Variants in HSD17B3 observed in about 807,000 individuals in gnomAD.
HSD17B3 encodes hydroxysteroid 17-beta dehydrogenase 3, also known as 17-beta-hydroxysteroid dehydrogenase type 3.
Under a neutral mutation model 41.1 loss-of-function variants are expected in HSD17B3, and 29 were observed. That is an observed-to-expected ratio of 0.71 (90% CI 0.53 to 0.96). HSD17B3 has a LOEUF of 0.96. Among genes scored for constraint, HSD17B3 ranks in the 40% least tolerant of loss-of-function variants. The pLI, the probability that HSD17B3 is intolerant of heterozygous loss-of-function variation, is 0.00. For missense variants in HSD17B3, 323 were observed against 374.6 expected, an observed-to-expected ratio of 0.86 and a Z score of 1.14; for synonymous variants, 126 against 145.6, an observed-to-expected ratio of 0.87 and a Z score of 0.97.
At chr9:96,265,870 C>A (rs1172866351) in intron 2 of HSD17B3, among the ~76,000 whole-genome samples, 2 of 152,162 alleles carry the variant, frequency 1.3e-5, no homozygotes, top group Non-Finnish European at 2.9e-5. Flanking sequence ...GGGTGAAACA[C>A]ACAAACACTT....
intron 2 of HSD17B3, among the ~76,000 whole-genome samples, chr9:96,291,322 C>CAG (rs1827147606): frequency 6.6e-6 from 1 of 152,004 alleles, no homozygotes. Flanking sequence ...GTGGTATCAG[C>CAG]AGAGGCCCAG....
intron 2 of HSD17B3, among the ~76,000 whole-genome samples, chr9:96,274,606 G>GA (rs1826379787): frequency 6.6e-6 from 1 of 151,990 alleles, no homozygotes; most frequent in South Asian, 2.1e-4. Context: ...TGAATAAAAT[G>GA]AAAAATGCAA....
chr9:96,283,020 T>TA, intron 2 of HSD17B3, among the ~76,000 whole-genome samples: 1 of 144,154 alleles, frequency 6.9e-6, no homozygotes, highest in Non-Finnish European at 1.5e-5. Flanking sequence ...TTTTTTTTTT[T>TA]TAGAGATGGA....
intron 2 of HSD17B3, among the ~76,000 whole-genome samples, chr9:96,296,093 T>A (rs1045681417): frequency 1.1e-4 from 16 of 151,558 alleles, no homozygotes; most frequent in African/African-American, 3.6e-4. Flanking sequence ...TACAAAAAAT[T>A]TAAAAATTAG....
chr9:96,249,352 A>C (rs1450923002), intron 6 of HSD17B3, among the ~76,000 whole-genome samples: 5 of 152,232 alleles, frequency 3.3e-5, no homozygotes, highest in Non-Finnish European at 7.3e-5. Context: ...ATTGAACAAC[A>C]AAAGTCCAGA....
At chr9:96,267,769 C>T (rs1365933382) in intron 2 of HSD17B3, among the ~76,000 whole-genome samples, 8 of 151,710 alleles carry the variant, frequency 5.3e-5, no homozygotes, top group Non-Finnish European at 1.2e-4. Flanking sequence ...ATAGGAGTTC[C>T]AGAAACAACA....
intron 5 of HSD17B3, chr9:96,251,158 G>T (rs1311884149): frequency 3.6e-6 from 2 of 559,502 alleles, no homozygotes; most frequent in Non-Finnish European, 3.2e-6. Context: ...CACCCCAGAA[G>T]CATAGGACAA....
chr9:96,259,225 G>A lies in HSD17B3; in HGVS notation c.202-4282C>T, dbSNP rs76499837. 4.5e-3 allele frequency among the ~76,000 whole-genome samples: 681 copies of A among 152,310 alleles called. 10 individuals are homozygous for A. The highest frequency in any genetic ancestry group is 0.016 in the African/African-American group (647 of 41,576). On this transcript the variant is annotated intron_variant, in intron 2 of 10. Transcript: ENST00000375263. ...TTTACCAGCTGCAACTCCACCCTAC[G>A]GAAGAGAGAGTAGGCATCTGGGTGG...
At chr9:96,299,614 T>C (rs192705201) in intron 1 of HSD17B3, among the ~76,000 whole-genome samples, 1 of 152,288 alleles carries the variant, frequency 6.6e-6, no homozygotes, top group Non-Finnish European at 1.5e-5. Context: ...AAACCTAAAA[T>C]GCAGGGACCA....
intron 2 of HSD17B3, among the ~76,000 whole-genome samples, chr9:96,267,829 A>G (rs917872355): frequency 6.6e-6 from 1 of 152,192 alleles, no homozygotes; most frequent in African/African-American, 2.4e-5. Flanking sequence ...GACCAAGCAG[A>G]CAGGATGAAT....
chr9:96,280,375 T>G (rs1826642548), intron 2 of HSD17B3, among the ~76,000 whole-genome samples: 1 of 152,208 alleles, frequency 6.6e-6, no homozygotes, highest in South Asian at 2.1e-4. Context: ...AATAATTTCC[T>G]CAGGAAAATT....
intron 2 of HSD17B3, among the ~76,000 whole-genome samples, chr9:96,259,422 A>C (rs1377730375): frequency 1.3e-5 from 2 of 152,188 alleles, no homozygotes; most frequent in Admixed American, 1.3e-4. Flanking sequence ...AAGGGAATAC[A>C]TTCAAAAGTG....
At chr9:96,259,110 G>T (rs576654125) in intron 2 of HSD17B3, among the ~76,000 whole-genome samples, 1 of 152,208 alleles carries the variant, frequency 6.6e-6, no homozygotes, top group Non-Finnish European at 1.5e-5. Flanking sequence ...GAAGTGACCC[G>T]CATCCTTTCT....
intron 2 of HSD17B3, among the ~76,000 whole-genome samples, chr9:96,279,176 T>C (rs1407626699): frequency 6.6e-6 from 1 of 152,222 alleles, no homozygotes. Context: ...CTGAAGTTTA[T>C]TTTTCCAAGG....
chr9:96,290,510 G>A (rs1415940725), intron 2 of HSD17B3, among the ~76,000 whole-genome samples: 1 of 118,162 alleles, frequency 8.5e-6, no homozygotes, highest in Non-Finnish European at 1.6e-5. Context: ...TGGAGAAACT[G>A]GCAGTTTAGA....
chr9:96,246,576 A>C lies in HSD17B3; in HGVS notation c.504T>G (p.Ile168Met), dbSNP rs755001199. 1.2e-6 allele frequency: 2 copies of C among 1,614,140 alleles called. No individual in the cohort carries two copies. The highest frequency in any genetic ancestry group is 2.2e-5 in the South Asian group (2 of 91,078). ...ITSVVKMTQL[I>M]LKHMESRQKG... is the part of the protein sequence containing the mutation. ...CTTACCTTGATTCCATATGTTTCAG[A>C]ATTAGCTGTGTCATCTACAAGAGAA... The change falls in exon 7 of 11, where the codon ATT (isoleucine) becomes ATG (methionine). Residue 168 changes from isoleucine to methionine, a missense_variant. By Grantham distance (10) the Ile-to-Met change is conservative. Transcript: ENST00000375263.
At chr9:96,289,903 G>A (rs541895333) in intron 2 of HSD17B3, among the ~76,000 whole-genome samples, 6 of 152,272 alleles carry the variant, frequency 3.9e-5, no homozygotes, top group East Asian at 1.9e-4. Flanking sequence ...GATGCAGAAC[G>A]GCTGCCGTGG....
At chr9:96,255,276 T>G (rs1825587394) in intron 2 of HSD17B3, among the ~76,000 whole-genome samples, 2 of 150,796 alleles carry the variant, frequency 1.3e-5, no homozygotes, top group Admixed American at 6.7e-5. Flanking sequence ...TGCATCAGAA[T>G]TTAAAATACT....
At chr9:96,286,189 C>CA (rs1404813062) in intron 2 of HSD17B3, among the ~76,000 whole-genome samples, 1 of 152,132 alleles carries the variant, frequency 6.6e-6, no homozygotes, top group East Asian at 1.9e-4. Context: ...ACTAAAACTA[C>CA]AAAAATTAGC....
Sources: allele counts gnomAD v4.1 joint callset (sites outside exome capture counted in the v4.1 genomes callset), GRCh38; gene constraint gnomAD v4.1.1; transcripts MANE v1.5; gene names NCBI Gene and HGNC (gene_info 2026-07-23, HGNC 2026-07-21).